The following C1orf159 variants were observed in gnomAD, a reference collection of about 807,000 sequenced individuals.
C1orf159 encodes the protein chromosome 1 open reading frame 159, also known as uncharacterized protein C1orf159.
Under a neutral mutation model 25.6 loss-of-function variants are expected in C1orf159, and 19 were observed. That is an observed-to-expected ratio of 0.74 (90% CI 0.52 to 1.09). The LOEUF (loss-of-function observed/expected upper bound fraction) is 1.09, where lower values mean the gene tolerates loss of function less well. C1orf159 is among the 50% of genes least tolerant of loss of function. C1orf159 has a pLI of 0.00. For missense variants in C1orf159, 274 were observed against 290.6 expected (o/e 0.94, Z 0.42); for synonymous variants, 139 against 124.7 (o/e 1.12, Z -0.77).
chr1:1,082,726 G>T lies in C1orf159; in HGVS notation c.*167C>A, dbSNP rs935700467. The T allele has an allele frequency of 7.8e-6, 5 of 644,198 alleles. No homozygotes were observed. In the African/African-American group the frequency reaches 9.1e-5, roughly 12 times the overall value. The allele number at this position is 644,198 out of a possible 1,614,324, so 39.9% of individuals were successfully genotyped here. A position where few individuals can be genotyped will look rare whatever the true frequency, so the allele number is the denominator to read the frequency against. Reference sequence around the variant, plus strand: ...GGTGGGGAGGAGCCTCAGGCGGCCCGGGACCCTTTGGCGTCCGTCGCTGGG... The same window carrying T: ...GGTGGGGAGGAGCCTCAGGCGGCCCTGGACCCTTTGGCGTCCGTCGCTGGG... On this transcript the variant is annotated 3_prime_UTR_variant, in exon 10 of 10. Transcript: ENST00000421241.
At chr1:1,083,934 G>C (rs115613719) in intron 9 of C1orf159, 1 of 1,592,288 alleles carries the variant, frequency 6.3e-7, no homozygotes, top group African/African-American at 1.3e-5. Context: ...TCTTGGGTCC[G>C]CCTGACCCAG....
chr1:1,085,445 C>T (rs759818323), intron 7 of C1orf159: 214 of 286,134 alleles, frequency 7.5e-4, no homozygotes, highest in Middle Eastern at 1.4e-3. Context: ...TACGGCGTGG[C>T]GTAGGCTGGG....
At chr1:1,093,862 C>T (rs114399805) in intron 1 of C1orf159, among the ~76,000 whole-genome samples, 428 of 152,254 alleles carry the variant, frequency 2.8e-3, no homozygotes, top group African/African-American at 9.9e-3. Flanking sequence ...GAACTGCAGC[C>T]GTCTTCCACA....
At chr1:1,112,612 C>T (rs1466906730) in intron 1 of C1orf159, among the ~76,000 whole-genome samples, 2 of 152,086 alleles carry the variant, frequency 1.3e-5, no homozygotes, top group African/African-American at 4.8e-5. Context: ...GGGCATGCTC[C>T]CTCCCTCCAG....
chr1:1,086,071 C>G, intron 6 of C1orf159, 59 bp from the exon 7 acceptor site: 5 of 1,579,072 alleles, frequency 3.2e-6, no homozygotes, highest in Non-Finnish European at 4.3e-6. Flanking sequence ...CCTCGCCTGG[C>G]CCCCGGTGCC....
intron 1 of C1orf159, chr1:1,106,005 G>A (rs901198546): frequency 1.3e-5 from 2 of 152,172 alleles, no homozygotes; most frequent in African/African-American, 2.4e-5. Context: ...ACTGGAGTCC[G>A]CTCGCTGAGG....
intron 1 of C1orf159, among the ~76,000 whole-genome samples, chr1:1,109,106 T>C (rs563473582): frequency 6.7e-6 from 1 of 148,150 alleles, no homozygotes; most frequent in Admixed American, 6.6e-5. Context: ...GCAGCATTGT[T>C]CACCACAGCC....
At position 1,083,992 on chromosome 1, in the gene C1orf159, GC is replaced by G. The variant is rs774548860; in HGVS notation, c.502+360del. 2.7e-5 allele frequency: 43 copies of G among 1,605,190 alleles called. 1 individual carries two copies. In the Middle Eastern group the frequency reaches 4.9e-4, roughly 18 times the overall value. On this transcript the variant is annotated intron_variant, in intron 9 of 9. Coordinates refer to ENST00000421241, the MANE Select transcript of C1orf159 (RefSeq NM_017891.5). ...CAGGAGGGCCTGGCGGAGGCCGGCT[GC>G]GTCTGTCCTCGGGTGGAGCTGGACT...
At chr1:1,112,137 TAACTGTC>T (rs1402207104) in intron 1 of C1orf159, among the ~76,000 whole-genome samples, 1 of 152,116 alleles carries the variant, frequency 6.6e-6, no homozygotes, top group Non-Finnish European at 1.5e-5. Flanking sequence ...AGGTGGCTGT[TAACTGTC>T]TAAAAGAACT....
chr1:1,101,667 C>T (rs12134754), intron 1 of C1orf159, among the ~76,000 whole-genome samples: 27,400 of 151,884 alleles, frequency 0.18, 3,246 homozygotes, highest in Middle Eastern at 0.31. Flanking sequence ...TGTCGGCTCA[C>T]GGTCTATTGG....
chr1:1,092,169 CGGTGCGGGGTCTG>C (rs1645949710), intron 1 of C1orf159, 66 bp from the exon 2 acceptor site: 1 of 351,100 alleles, frequency 2.8e-6, no homozygotes, highest in Non-Finnish European at 5.7e-6. Flanking sequence ...CCGTGGCCTA[CGGTGCGGGGTCTG>C]GGTCCGGTCC....
chr1:1,107,802 T>C (rs1646195303), intron 1 of C1orf159, among the ~76,000 whole-genome samples: 2 of 152,202 alleles, frequency 1.3e-5, no homozygotes, highest in Admixed American at 1.3e-4. Context: ...ATCTTGCTGC[T>C]GCTCACTCTT....
At chr1:1,099,729 C>T (rs796270117) in intron 1 of C1orf159, among the ~76,000 whole-genome samples, 42 of 98,736 alleles carry the variant, frequency 4.3e-4, no homozygotes, top group African/African-American at 1.1e-3. Context: ...TTAAAATCTC[C>T]GACTATGATT....
intron 4 of C1orf159, 74 bp downstream of exon 4, chr1:1,090,279 G>A (rs1385767292): frequency 1.3e-5 from 18 of 1,425,700 alleles, no homozygotes; most frequent in Middle Eastern, 3.4e-4. Context: ...TGTCACCGAG[G>A]GGAGGGCCCT....
At chr1:1,091,298 C>T (rs903601939) in intron 3 of C1orf159, 174 bp downstream of exon 3, 4 of 737,982 alleles carry the variant, frequency 5.4e-6, no homozygotes, top group Non-Finnish European at 6.9e-6. Flanking sequence ...GCGGAGGGCT[C>T]CCCTCTGCGA....
chr1:1,090,085 C>G (rs1645902884), intron 4 of C1orf159, among the ~76,000 whole-genome samples: 1 of 152,208 alleles, frequency 6.6e-6, no homozygotes, highest in African/African-American at 2.4e-5. Flanking sequence ...AGACCCTTCT[C>G]CAGGCACCTT....
Position 1,087,165 on chromosome 1 carries a change from G to T in C1orf159, c.284C>A (p.Ser95Ter), listed in dbSNP as rs1220892190. 6.2e-7 allele frequency: 1 copy of T among 1,610,668 alleles called. No homozygotes were observed. Among genetic ancestry groups the T allele is most frequent in the Non-Finnish European group, 8.5e-7 (1 of 1,179,586 alleles). ...AGGATGTGGCCGCCCGGGGGTCCCT[G>T]AGCTTCTGTTCATGGGGAATGGCGC... ...PGAPFPMNRS[S>*]GTPGRPHPGA... is the part of the protein sequence containing the mutation. Residue 95 changes from serine (S) to a stop codon, truncating the protein, a stop_gained, in exon 6 of 10, where the codon TCA becomes TAA. Coordinates refer to ENST00000421241, the MANE Select transcript of C1orf159 (RefSeq NM_017891.5). LOFTEE classifies it high-confidence loss of function. The surrounding 1 kb of genome is among the most constrained non-coding windows in gnomAD (Gnocchi z 8.3).
chr1:1,112,758 A>G (rs1646280151), intron 1 of C1orf159, among the ~76,000 whole-genome samples: 1 of 152,250 alleles, frequency 6.6e-6, no homozygotes, highest in African/African-American at 2.4e-5. Context: ...AGACCCCAGA[A>G]GCCTGCCAGG....
intron 3 of C1orf159, chr1:1,091,216 G>A (rs767585833): frequency 1.5e-4 from 94 of 615,410 alleles, no homozygotes; most frequent in South Asian, 6.7e-4. Flanking sequence ...CTCCCATTGC[G>A]GGCCAGGATG....
Sources: gnomAD v4.1 joint callset for allele counts (sites outside exome capture counted in the v4.1 genomes callset) on GRCh38, gnomAD v4.1.1 for gene constraint, Gnocchi (gnomAD v3.1) non-coding constraint, MANE v1.5 for transcripts, NCBI Gene and HGNC (gene_info 2026-07-23, HGNC 2026-07-21) for gene names.